Variants in CARMIL1 observed in about 807,000 individuals in gnomAD.
CARMIL1 encodes the protein capping protein regulator and myosin 1 linker 1.
Under a neutral mutation model 177.1 loss-of-function variants are expected in CARMIL1, and 90 were observed. The observed-to-expected ratio is 0.51, with a 90% CI of 0.43 to 0.61. The LOEUF is 0.61. Ranked by LOEUF, CARMIL1 falls within the 20% of genes least tolerant of loss-of-function variation. The probability of loss-of-function intolerance (pLI) is 0.00; values close to 1 mark genes in which losing one functional copy is unlikely to be tolerated. For synonymous variants in CARMIL1, 577 were observed against 606.2 expected, an observed-to-expected ratio of 0.95 and a Z score of 0.71; for missense variants, 1,380 against 1,667.0, an observed-to-expected ratio of 0.83 and a Z score of 3.00.
chr6:25,603,720 G>A (rs778130822), intron 33 of CARMIL1, among the ~76,000 whole-genome samples: 1 of 152,142 alleles, frequency 6.6e-6, no homozygotes, highest in Admixed American at 6.5e-5. Context: ...GGCAGTAGAT[G>A]TAGACCATCT....
At chr6:25,303,380 G>A (rs1029239783) in intron 2 of CARMIL1, among the ~76,000 whole-genome samples, 1 of 152,144 alleles carries the variant, frequency 6.6e-6, no homozygotes, top group Non-Finnish European at 1.5e-5. Flanking sequence ...GAAGCCTTGT[G>A]TGGCTCTAAG....
In CARMIL1 at chr6:25,594,462, C is replaced by T. The variant is rs753157560; in HGVS notation, c.3054C>T (p.Leu1018=). Residue 1018 remains leucine, a synonymous_variant, in exon 32 of 37, where the codon CTC becomes CTT. Transcript: ENST00000329474. ...CACAAGATGGTGAACAGAATGGTCTCATGGGGAGAGTGGATGAAGGTGTAG... is the reference window on the plus strand; with the variant it reads ...CACAAGATGGTGAACAGAATGGTCTTATGGGGAGAGTGGATGAAGGTGTAG... ...IVSQDGEQNG[L]MGRVDEGVDE... 3.7e-6 allele frequency: 6 copies of T among 1,613,434 alleles called. No individual in the cohort carries two copies. Among genetic ancestry groups the T allele is most frequent in the African/African-American group, 2.7e-5 (2 of 74,846 alleles).
chr6:25,480,286 G>A (rs1446112770), intron 11 of CARMIL1, among the ~76,000 whole-genome samples: 3 of 151,870 alleles, frequency 2.0e-5, no homozygotes, highest in Non-Finnish European at 4.4e-5. Flanking sequence ...TTATATATGC[G>A]TGTGTGTTTA....
At chr6:25,389,204 A>C (rs1447165445) in intron 2 of CARMIL1, 1 of 152,262 alleles carries the variant, frequency 6.6e-6, no homozygotes, top group African/African-American at 2.4e-5. Context: ...AATTGAGAAG[A>C]CATGAGGAGG....
intron 1 of CARMIL1, among the ~76,000 whole-genome samples, chr6:25,281,127 T>TGTGTGCGC (rs142017993): frequency 1.4e-4 from 18 of 127,068 alleles, no homozygotes; most frequent in South Asian, 5.9e-4. Context: ...CACGCGCGTG[T>TGTGTGCGC]GCGCGCGCGC....
At chr6:25,307,279 A>G (rs1174609596) in intron 2 of CARMIL1, among the ~76,000 whole-genome samples, 1 of 152,230 alleles carries the variant, frequency 6.6e-6, no homozygotes, top group African/African-American at 2.4e-5. Context: ...AAAAGTGAAC[A>G]GACTGTATTT....
rs765304361 is a variant in CARMIL1, at chr6:25,450,322, T to A, written c.470-17T>A. 6.9e-6 allele frequency: 11 copies of A among 1,600,496 alleles called. No homozygotes were observed. The highest frequency in any genetic ancestry group is 9.4e-6 in the Non-Finnish European group (11 of 1,168,198). ...ATTTTGCCAAAGACCTGTCAGTGTT[T>A]TTGTTGTATGTTTCAGGTGGATTTT... On this transcript the variant is annotated splice_polypyrimidine_tract_variant and intron_variant, in intron 6 of 36. Transcript: ENST00000329474.
Position 25,279,668 on chromosome 6 carries a change from C to T in CARMIL1, c.-128C>T, listed in dbSNP as rs79849694. Reference sequence around the variant, plus strand: ...GCGGCAAAATTCTGTCTCCGCCCCCCCTTTTCTTGCCCACTTCCATTTGCA... The same window carrying T: ...GCGGCAAAATTCTGTCTCCGCCCCCTCTTTTCTTGCCCACTTCCATTTGCA... On this transcript the variant is annotated 5_prime_UTR_variant, in exon 1 of 37. Coordinates refer to ENST00000329474, the MANE Select transcript of CARMIL1 (RefSeq NM_017640.6). 9,781 of 842,940 alleles carry T rather than the reference C, an allele frequency of 0.012. 474 individuals carry two copies. In the African/African-American group the frequency reaches 0.12, roughly 11 times the overall value. 52.2% of individuals were successfully genotyped at this position (842,940 alleles called of 1,614,324 possible).
chr6:25,577,166 A>G lies in CARMIL1; in HGVS notation c.2743-3758A>G, dbSNP rs944982161. ...TAGAGACAAGATTGGATTTTGCAAG[A>G]TGGTTCAGCTAGCAAAACAGGCGAT... On this transcript the variant is annotated intron_variant, in intron 29 of 36. Coordinates refer to ENST00000329474, the MANE Select transcript of CARMIL1 (RefSeq NM_017640.6). The surrounding 1 kb of genome is among the most constrained non-coding windows in gnomAD (Gnocchi z 4.5). The G allele has an allele frequency of 9.2e-6, 9 of 976,660 alleles. No homozygotes were observed. The African/African-American group carries it at 1.4e-4, about 15-fold the overall frequency. The allele number at this position is 976,660 out of a possible 1,614,324, so 60.5% of individuals were successfully genotyped here.
intron 1 of CARMIL1, among the ~76,000 whole-genome samples, chr6:25,280,167 T>G (rs1283692481): frequency 6.6e-6 from 1 of 152,066 alleles, no homozygotes; most frequent in Non-Finnish European, 1.5e-5. Context: ...CATCTTAGAC[T>G]TGGGAGTTCT....
intron 22 of CARMIL1, 103 bp downstream of exon 22, chr6:25,517,518 A>C: frequency 1.2e-6 from 1 of 837,094 alleles, no homozygotes; most frequent in Admixed American, 2.2e-5. Context: ...ATTGGGGATC[A>C]GAAGATCTGG....
At chr6:25,330,659 G>A (rs1202379763) in intron 2 of CARMIL1, among the ~76,000 whole-genome samples, 2 of 148,380 alleles carry the variant, frequency 1.3e-5, no homozygotes, top group East Asian at 4.0e-4. Flanking sequence ...GGGCAACATA[G>A]TGAGACGCAC....
intron 26 of CARMIL1, among the ~76,000 whole-genome samples, chr6:25,546,429 G>A (rs1258942585): frequency 3.9e-5 from 6 of 152,144 alleles, no homozygotes; most frequent in Non-Finnish European, 8.8e-5. Context: ...GCCAGGCACG[G>A]TGGCTCACAC....
intron 4 of CARMIL1, among the ~76,000 whole-genome samples, chr6:25,433,867 A>C (rs911469356): frequency 6.6e-6 from 1 of 152,154 alleles, no homozygotes; most frequent in Non-Finnish European, 1.5e-5. Flanking sequence ...TCATTTTGAC[A>C]TACATATGTT....
chr6:25,600,372 A>C lies in CARMIL1; in HGVS notation c.3178A>C (p.Lys1060Gln). The C allele has an allele frequency of 6.2e-7, 1 of 1,614,022 alleles. No individual in the cohort carries two copies. Among genetic ancestry groups the C allele is most frequent in the Non-Finnish European group, 8.5e-7 (1 of 1,179,884 alleles). Reference protein sequence around the residue: ...HELNEGGDEKKKRDSRKSSGF... With the variant: ...HELNEGGDEKQKRDSRKSSGF... ...GCTTAATGAAGGAGGAGATGAAAAG[A>C]AAAAGCGAGATTCTCGGAAAAGTAG... The change falls in exon 33 of 37, where the codon AAA (lysine) becomes CAA (glutamine). Residue 1060 changes from lysine to glutamine, a missense_variant. Physicochemically the swap from Lys to Gln is moderately conservative, Grantham distance 53. Coordinates refer to ENST00000329474, the MANE Select transcript of CARMIL1 (RefSeq NM_017640.6).
intron 2 of CARMIL1, among the ~76,000 whole-genome samples, chr6:25,322,696 G>T (rs937788540): frequency 6.6e-6 from 1 of 152,156 alleles, no homozygotes; most frequent in Middle Eastern, 3.2e-3. Flanking sequence ...GGAGTTACTG[G>T]GTTGATAGTC....
rs149394117 is a variant in CARMIL1, at chr6:25,519,105, TTTTC to T, written c.1875-1135_1875-1132del. ...TAGACTGCTACTATTAACTTGATGGTTTTCTTTATTATTTATTCTTTATTAGTAC... is the reference window on the plus strand; with the variant it reads ...TAGACTGCTACTATTAACTTGATGGTTTTATTATTTATTCTTTATTAGTAC... On this transcript the variant is annotated intron_variant, in intron 22 of 36. Transcript: ENST00000329474. Among the ~76,000 whole-genome samples the T allele has an allele frequency of 2.9e-3, 444 of 152,286 alleles. 5 individuals are homozygous for T. Among genetic ancestry groups the T allele is most frequent in the African/African-American group, 9.7e-3 (401 of 41,546 alleles).
At chr6:25,370,249 G>T (rs1463585549) in intron 2 of CARMIL1, among the ~76,000 whole-genome samples, 1 of 152,148 alleles carries the variant, frequency 6.6e-6, no homozygotes. Context: ...GCTTTTATGA[G>T]TGTGATATTT....
chr6:25,617,700 T>C (rs958454107), intron 36 of CARMIL1, among the ~76,000 whole-genome samples: 12 of 152,214 alleles, frequency 7.9e-5, no homozygotes, highest in Non-Finnish European at 1.5e-4. Flanking sequence ...TCTTAGTAAT[T>C]AAAGGATTCT....
Sources: gnomAD v4.1 joint callset for allele counts (sites outside exome capture counted in the v4.1 genomes callset) on GRCh38, gnomAD v4.1.1 for gene constraint, Gnocchi (gnomAD v3.1) non-coding constraint, MANE v1.5 for transcripts, NCBI Gene and HGNC (gene_info 2026-07-23, HGNC 2026-07-21) for gene names.